GAP43: variants seen among roughly 807,000 people sequenced by gnomAD.
GAP43 encodes growth associated protein 43.
A neutral mutation model predicts 18.6 loss-of-function variants in GAP43; 6 were observed. That is an observed-to-expected ratio of 0.32 (90% CI 0.18 to 0.64). The LOEUF (loss-of-function observed/expected upper bound fraction) is 0.64, where lower values mean the gene tolerates loss of function less well. GAP43 is among the 30% of genes least tolerant of loss of function. The pLI is 0.78. For synonymous variants in GAP43, 115 were observed against 111.4 expected, an observed-to-expected ratio of 1.03 and a Z score of -0.20; for missense variants, 292 against 295.5, an observed-to-expected ratio of 0.99 and a Z score of 0.09.
At chr3:115,660,322 C>T (rs1038215639) in intron 1 of GAP43, among the ~76,000 whole-genome samples, 2 of 152,124 alleles carry the variant, frequency 1.3e-5, no homozygotes, top group African/African-American at 2.4e-5. Context: ...CTATAAATAC[C>T]ATTCCAGATA....
chr3:115,694,517 T>A (rs376129500), intron 2 of GAP43, among the ~76,000 whole-genome samples: 1 of 152,222 alleles, frequency 6.6e-6, no homozygotes, highest in Non-Finnish European at 1.5e-5. Context: ...CATTTACTTA[T>A]CTTGTGCCAG....
intron 1 of GAP43, among the ~76,000 whole-genome samples, chr3:115,671,508 G>T (rs1001609188): frequency 6.6e-6 from 1 of 152,132 alleles, no homozygotes. Flanking sequence ...TTCATAAATT[G>T]CAGAGCTCTC....
Position 115,623,648 on chromosome 3 carries a change from G to A in GAP43, c.-42G>A. The A allele has an allele frequency of 6.2e-7, 1 of 1,612,646 alleles. No individual in the cohort carries two copies. Among genetic ancestry groups the A allele is most frequent in the Non-Finnish European group, 8.5e-7 (1 of 1,178,750 alleles). On this transcript the variant is annotated 5_prime_UTR_variant, in exon 1 of 3. Transcript: ENST00000305124. ...GGGGGGAATAAGAAAGAGAGAGAAGGAAAGGAGAGAAGGCAGGAAGAAGGC... is the reference window on the plus strand; with the variant it reads ...GGGGGGAATAAGAAAGAGAGAGAAGAAAAGGAGAGAAGGCAGGAAGAAGGC...
At chr3:115,680,362 A>G (rs1439771920) in intron 2 of GAP43, among the ~76,000 whole-genome samples, 2 of 152,180 alleles carry the variant, frequency 1.3e-5, no homozygotes, top group African/African-American at 2.4e-5. Context: ...AGGTTGAGGC[A>G]GGAAGATCAC....
At chr3:115,710,844 T>A (rs1328493056) in intron 2 of GAP43, among the ~76,000 whole-genome samples, 1 of 152,056 alleles carries the variant, frequency 6.6e-6, no homozygotes, top group Non-Finnish European at 1.5e-5. Flanking sequence ...ACATAGCCTA[T>A]TTTTTTTCCT....
chr3:115,642,936 A>G (rs545430705), intron 1 of GAP43, among the ~76,000 whole-genome samples: 1 of 152,224 alleles, frequency 6.6e-6, no homozygotes, highest in East Asian at 1.9e-4. Context: ...CTGAAGTTCA[A>G]TGAAAATACA....
intron 2 of GAP43, among the ~76,000 whole-genome samples, chr3:115,708,319 G>C (rs1709390083): frequency 6.6e-6 from 1 of 152,164 alleles, no homozygotes; most frequent in Admixed American, 6.5e-5. Flanking sequence ...CTGGGTCATA[G>C]GAATTATAAG....
intron 1 of GAP43, among the ~76,000 whole-genome samples, chr3:115,669,313 C>T (rs542194973): frequency 6.6e-6 from 1 of 152,228 alleles, no homozygotes; most frequent in Admixed American, 6.5e-5. Context: ...TGAATTCCAC[C>T]ACTGAGAAGT....
chr3:115,662,562 A>G (rs1188266569), intron 1 of GAP43, among the ~76,000 whole-genome samples: 1 of 152,200 alleles, frequency 6.6e-6, no homozygotes, highest in Admixed American at 6.5e-5. Flanking sequence ...AGTCTTGGGT[A>G]TAATTCTGAG....
In GAP43 at chr3:115,645,209, T is replaced by G. The variant is rs543384988; in HGVS notation, c.30+21490T>G. Among the ~76,000 whole-genome samples, 26 of 152,160 alleles carry G rather than the reference T, an allele frequency of 1.7e-4. No individual in the cohort carries two copies. In the South Asian group the frequency reaches 5.0e-3, roughly 29 times the overall value. On this transcript the variant is annotated intron_variant, in intron 1 of 2. Coordinates refer to ENST00000305124, the MANE Select transcript of GAP43 (RefSeq NM_002045.4). The stretch of plus-strand genomic sequence containing the variant: ...ATAGGGTAAATATATGAATCAGATA[T>G]GTCTATTCCCTTTACAGGATTCATT...
intron 1 of GAP43, among the ~76,000 whole-genome samples, chr3:115,634,448 G>T (rs928371543): frequency 6.6e-6 from 1 of 151,912 alleles, no homozygotes; most frequent in African/African-American, 2.4e-5. Flanking sequence ...TTTAATAGAG[G>T]CAATTGTCTC....
At chr3:115,654,222 A>G (rs1171118906) in intron 1 of GAP43, among the ~76,000 whole-genome samples, 3 of 152,234 alleles carry the variant, frequency 2.0e-5, no homozygotes, top group Non-Finnish European at 4.4e-5. Flanking sequence ...GCTCAGAATG[A>G]AGTACCAAGT....
intron 1 of GAP43, among the ~76,000 whole-genome samples, chr3:115,639,565 C>T (rs1487306419): frequency 1.3e-5 from 2 of 152,050 alleles, no homozygotes; most frequent in Admixed American, 1.3e-4. Flanking sequence ...CTGTCTCTTA[C>T]CTTCTCTAGT....
chr3:115,625,362 A>G (rs1708174821), intron 1 of GAP43, among the ~76,000 whole-genome samples: 1 of 152,060 alleles, frequency 6.6e-6, no homozygotes, highest in Non-Finnish European at 1.5e-5. Flanking sequence ...CCATTGGCTC[A>G]TTTTATCAAA....
At chr3:115,712,655 T>C (rs933579856) in intron 2 of GAP43, among the ~76,000 whole-genome samples, 5 of 152,178 alleles carry the variant, frequency 3.3e-5, no homozygotes, top group African/African-American at 7.2e-5. Flanking sequence ...ATTCATATTA[T>C]GTGTATATTA....
At position 115,716,841 on chromosome 3, in the gene GAP43, A is replaced by C. The variant is rs537252611; in HGVS notation, c.629-3953A>C. On this transcript the variant is annotated intron_variant, in intron 2 of 2. Coordinates refer to ENST00000305124, the MANE Select transcript of GAP43 (RefSeq NM_002045.4). ...TAACATTTCCTTTTGTAGCCATCTA[A>C]TCGAGTTTCATCAATTTTAATTTTA... Among the ~76,000 whole-genome samples, 5 of 142,640 alleles carry C rather than the reference A, an allele frequency of 3.5e-5. No individual in the cohort carries two copies. In the South Asian group the frequency reaches 1.1e-3, roughly 32 times the overall value. The allele number at this position is 142,640 out of a possible 152,430, so 93.6% of individuals were successfully genotyped here.
intron 2 of GAP43, among the ~76,000 whole-genome samples, chr3:115,683,130 C>CGT (rs368751187): frequency 0.066 from 7,077 of 106,950 alleles, 269 homozygotes; most frequent in African/African-American, 0.1. Flanking sequence ...CATGTGCGCG[C>CGT]GCGTGCGCGC....
intron 1 of GAP43, among the ~76,000 whole-genome samples, chr3:115,637,337 G>A (rs548845779): frequency 3.3e-5 from 5 of 152,162 alleles, no homozygotes; most frequent in Admixed American, 2.0e-4. Context: ...CTCTGTATTA[G>A]ACTCTAAGGG....
Position 115,683,147 on chromosome 3 carries a change from GCACACACACACACACACACA to G in GAP43, c.628+6559_628+6578del, listed in dbSNP as rs869219452. ...TGTGCGCGCGCGTGCGCGCGCGCGC[GCACACACACACACACACACA>G]CACACACACACACACACACACGACA... is the stretch of plus-strand genomic sequence containing the variant. On this transcript the variant is annotated intron_variant, in intron 2 of 2. Coordinates refer to ENST00000305124, the MANE Select transcript of GAP43 (RefSeq NM_002045.4). 3.9e-5 allele frequency among the ~76,000 whole-genome samples: 5 copies of G among 127,446 alleles called. No homozygotes were observed. The East Asian group carries it at 9.6e-4, about 25-fold the overall frequency. The allele number at this position is 127,446 out of a possible 152,430, so 83.6% of individuals were successfully genotyped here. A position where few individuals can be genotyped will look rare whatever the true frequency, so the allele number is the denominator to read the frequency against.
Sources: allele counts gnomAD v4.1 joint callset (sites outside exome capture counted in the v4.1 genomes callset), GRCh38; gene constraint gnomAD v4.1.1; transcripts MANE v1.5; gene names NCBI Gene and HGNC (gene_info 2026-07-23, HGNC 2026-07-21).